Variants in TMEM67 observed in about 807,000 individuals in gnomAD.
The protein encoded by TMEM67 is meckelin.
Under a neutral mutation model 136.6 loss-of-function variants are expected in TMEM67, and 124 were observed. The observed-to-expected ratio is 0.91, with a 90% CI of 0.78 to 1.05. The LOEUF (loss-of-function observed/expected upper bound fraction) is 1.05. TMEM67 is among the 50% of genes least tolerant of loss of function. The probability of loss-of-function intolerance (pLI) is 0.00; values close to 1 mark genes in which losing one functional copy is unlikely to be tolerated. For synonymous variants in TMEM67, 364 were observed against 390.5 expected (o/e 0.93, Z 0.80); for missense variants, 1,107 against 1,178.4 (o/e 0.94, Z 0.89).
intron 26 of TMEM67, among the ~76,000 whole-genome samples, chr8:93,814,364 C>T (rs1243251572): frequency 2.0e-5 from 3 of 150,322 alleles, no homozygotes; most frequent in South Asian, 2.1e-4. Flanking sequence ...TAGTCTTGAT[C>T]GCCTGACCTC....
At chr8:93,789,025 C>T (rs1814249918) in intron 14 of TMEM67, among the ~76,000 whole-genome samples, 1 of 152,148 alleles carries the variant, frequency 6.6e-6, no homozygotes, top group Admixed American at 6.5e-5. Context: ...TGTACGTTTT[C>T]CTCCTAGAGA....
In TMEM67 at chr8:93,762,268, A is replaced by G. The variant is rs143684977; in HGVS notation, c.407-1574A>G. On this transcript the variant is annotated intron_variant, in intron 3 of 27. Coordinates refer to ENST00000453321, the MANE Select transcript of TMEM67 (RefSeq NM_153704.6). ...AAACTCTCTCAAAAAATAAAATAAA[A>G]TAAATCCTTTTGTGCCTTTTATTTT... is the stretch of plus-strand genomic sequence containing the variant. Among the ~76,000 whole-genome samples the G allele has an allele frequency of 5.2e-3, 799 of 152,262 alleles. 3 individuals carry two copies. The highest frequency in any genetic ancestry group is 9.0e-3 in the Non-Finnish European group (609 of 68,024).
At position 93,763,973 on chromosome 8, in the gene TMEM67, A is replaced by G. The variant is rs1408086049; in HGVS notation, c.506+32A>G. 7 of 1,241,006 alleles carry G rather than the reference A, an allele frequency of 5.6e-6. No individual in the cohort carries two copies. The East Asian group carries it at 1.2e-4, about 21-fold the overall frequency. The allele number at this position is 1,241,006 out of a possible 1,614,324, so 76.9% of individuals were successfully genotyped here. On this transcript the variant is annotated intron_variant, in intron 4 of 27. Coordinates refer to ENST00000453321, the MANE Select transcript of TMEM67 (RefSeq NM_153704.6). The stretch of plus-strand genomic sequence containing the variant: ...AGTGTGATGGGGGCTAACTTCATTA[A>G]TATCATCTTATATTAGTGTATAATT...
chr8:93,806,515 T>A (rs1464168744), intron 23 of TMEM67, among the ~76,000 whole-genome samples: 2 of 152,192 alleles, frequency 1.3e-5, no homozygotes, highest in Non-Finnish European at 1.5e-5. Context: ...TGAAGCTAGG[T>A]AATGAGTAGT....
At chr8:93,755,938 ATAATT>A in intron 2 of TMEM67, 72 bp downstream of exon 2, 1 of 865,660 alleles carries the variant, frequency 1.2e-6, no homozygotes, top group Non-Finnish European at 1.9e-6. Context: ...TTTTCAAAAT[ATAATT>A]TAATGTTTAA....
chr8:93,785,011 TATAAA>T (rs1814028319), intron 11 of TMEM67, among the ~76,000 whole-genome samples: 1 of 152,192 alleles, frequency 6.6e-6, no homozygotes, highest in South Asian at 2.1e-4. Flanking sequence ...TTTTGGTCCT[TATAAA>T]ATAATCATAG....
chr8:93,809,135 A>T lies in TMEM67; in HGVS notation c.2635A>T (p.Lys879Ter). ...TATAAAAGCATATCATATGATGAAT[A>T]AATTTCTTGGCTCCTTCATTGACCA... ...QSIKAYHMMNKFLGSFIDHVH... is the reference protein window; with the variant it reads ...QSIKAYHMMN The change falls in exon 25 of 28, where the codon AAA becomes TAA. Residue 879 changes from lysine (K) to a stop codon, truncating the protein, a stop_gained. Transcript: ENST00000453321. LOFTEE classifies it high-confidence loss of function. 6.2e-7 allele frequency: 1 copy of T among 1,603,666 alleles called. No individual in the cohort carries two copies. The highest frequency in any genetic ancestry group is 8.5e-7 in the Non-Finnish European group (1 of 1,171,194).
At position 93,781,060 on chromosome 8, in the gene TMEM67, G is replaced by A. The variant is rs1410633403; in HGVS notation, c.978+78G>A. The A allele has an allele frequency of 5.0e-6, 5 of 999,174 alleles. No homozygotes were observed. In the Admixed American group the frequency reaches 5.5e-5, roughly 11 times the overall value. The allele number at this position is 999,174 out of a possible 1,614,324, so 61.9% of individuals were successfully genotyped here. A position where few individuals can be genotyped will look rare whatever the true frequency, so the allele number is the denominator to read the frequency against. On this transcript the variant is annotated intron_variant, in intron 9 of 27. Transcript: ENST00000453321. ...AAAAGGTAATAAAGTTACAATTCTTGCCTTTTTAGGTTGTTGGTACAAACT... is the reference window on the plus strand; with the variant it reads ...AAAAGGTAATAAAGTTACAATTCTTACCTTTTTAGGTTGTTGGTACAAACT...
chr8:93,767,813 T>G (rs1813142966), intron 6 of TMEM67, among the ~76,000 whole-genome samples: 1 of 151,362 alleles, frequency 6.6e-6, no homozygotes, highest in Non-Finnish European at 1.5e-5. Context: ...TAATCTAGGC[T>G]AATCTTGTAA....
chr8:93,805,001 C>T, intron 23 of TMEM67, 123 bp downstream of exon 23: 1 of 636,666 alleles, frequency 1.6e-6, no homozygotes, highest in South Asian at 1.7e-5. Flanking sequence ...GAGATGGAGT[C>T]TCCCTCTGTC....
At position 93,782,365 on chromosome 8, in the gene TMEM67, A is replaced by G. The variant is rs1343270873; in HGVS notation, c.1066-30A>G. 4 of 1,563,986 alleles carry G rather than the reference A, an allele frequency of 2.6e-6. No homozygotes were observed. In the South Asian group the frequency reaches 4.5e-5, roughly 17 times the overall value. ...AGTATAAGAATAGAAAACATTTGTG[A>G]GATTTATCTGTTGTATTATTTTGCT... On this transcript the variant is annotated intron_variant, in intron 10 of 27. Coordinates refer to ENST00000453321, the MANE Select transcript of TMEM67 (RefSeq NM_153704.6).
At chr8:93,812,740 TA>T (rs1341572747) in intron 26 of TMEM67, among the ~76,000 whole-genome samples, 1 of 152,236 alleles carries the variant, frequency 6.6e-6, no homozygotes, top group African/African-American at 2.4e-5. Flanking sequence ...TTATTGTTAT[TA>T]TTTTTTTTGT....
At chr8:93,825,193 A>G in the TMEM67 span, among the ~76,000 whole-genome samples, 1 of 152,228 alleles carries the variant, frequency 6.6e-6, no homozygotes, top group Non-Finnish European at 1.5e-5. Context: ...CACAAAACAA[A>G]TTCATGTGAC....
rs1812542197 is a variant in TMEM67 at position 93,755,760 on chromosome 8, T to C, written c.224-18T>C. ...TCAAGGATAAAATTGGCTTTTTTTT[T>C]TTTTTTTTTTTTTTTAGGAACTTCA... On this transcript the variant is annotated intron_variant, in intron 1 of 27. Transcript: ENST00000453321. 1 of 1,331,324 alleles carries C rather than the reference T, an allele frequency of 7.5e-7. No homozygotes were observed. The highest frequency in any genetic ancestry group is 1.0e-6 in the Non-Finnish European group (1 of 975,708). 82.5% of individuals were successfully genotyped at this position (1,331,324 alleles called of 1,614,324 possible).
intron 14 of TMEM67, 40 bp from the exon 15 acceptor site, chr8:93,791,223 T>C (rs369667999): frequency 2.8e-4 from 386 of 1,361,446 alleles, no homozygotes; most frequent in Non-Finnish European, 3.7e-4. Context: ...TTGTATCATA[T>C]AATTTCAGTA....
At chr8:93,830,166 G>A in the TMEM67 span, among the ~76,000 whole-genome samples, 11 of 152,016 alleles carry the variant, frequency 7.2e-5, no homozygotes, top group Admixed American at 2.6e-4. Flanking sequence ...ATGCCTATCC[G>A]AGGACATCTC....
chr8:93,778,636 A>G (rs1813667803), intron 7 of TMEM67, among the ~76,000 whole-genome samples: 1 of 152,320 alleles, frequency 6.6e-6, no homozygotes, highest in East Asian at 1.9e-4. Context: ...CTGGATATGA[A>G]ATTCTGGCTT....
downstream of TMEM67, among the ~76,000 whole-genome samples, chr8:93,822,587 G>A (rs1461637392): frequency 2.0e-5 from 3 of 152,186 alleles, no homozygotes; most frequent in Non-Finnish European, 4.4e-5. Flanking sequence ...CAGGACGGCG[G>A]AGGCAAGAGG....
At chr8:93,823,415 T>TG (rs1056573966), downstream of TMEM67, among the ~76,000 whole-genome samples, 6 of 152,088 alleles carry the variant, frequency 3.9e-5, no homozygotes, top group East Asian at 1.9e-4. Flanking sequence ...TTTTTTTTTT[T>TG]TGTGTGGGTG....
Sources: allele counts gnomAD v4.1 joint callset (sites outside exome capture counted in the v4.1 genomes callset), GRCh38; gene constraint gnomAD v4.1.1; transcripts MANE v1.5; gene names NCBI Gene and HGNC (gene_info 2026-07-23, HGNC 2026-07-21).